ADCY8: variants seen among roughly 807,000 people sequenced by gnomAD.
ADCY8 encodes the protein adenylate cyclase type 8.
Under a neutral mutation model 119.7 loss-of-function variants are expected in ADCY8, and 51 were observed. The observed-to-expected ratio is 0.43, with a 90% CI of 0.34 to 0.54. ADCY8 has a LOEUF of 0.54. Ranked by LOEUF, ADCY8 falls within the 20% of genes least tolerant of loss-of-function variation. The probability of loss-of-function intolerance (pLI) is 0.03; values close to 1 mark genes in which losing one functional copy is unlikely to be tolerated. For missense variants in ADCY8, 1,383 were observed against 1,598.8 expected, an observed-to-expected ratio of 0.87 and a Z score of 2.30; for synonymous variants, 665 against 651.0, an observed-to-expected ratio of 1.02 and a Z score of -0.33.
rs564433010 is a variant in ADCY8, at chr8:130,965,817, A to G, written c.1111-13819T>C. On this transcript the variant is annotated intron_variant, in intron 2 of 17. Transcript: ENST00000286355. Reference sequence around the variant, plus strand: ...AAAAGGTTTATGTATAATTTTTCATAATTCTTCATTTTAGTTTGCTTTTTC... The same window carrying G: ...AAAAGGTTTATGTATAATTTTTCATGATTCTTCATTTTAGTTTGCTTTTTC... Among the ~76,000 whole-genome samples the G allele has an allele frequency of 7.2e-5, 11 of 152,280 alleles. No individual in the cohort carries two copies. The South Asian group carries it at 2.3e-3, about 32-fold the overall frequency.
intron 15 of ADCY8, among the ~76,000 whole-genome samples, chr8:130,788,656 T>C (rs1390790216): frequency 6.6e-6 from 1 of 152,204 alleles, no homozygotes; most frequent in East Asian, 1.9e-4. Context: ...AAATAAATGA[T>C]AAATATTCGA....
chr8:130,927,814 T>C (rs1820517307), intron 5 of ADCY8, among the ~76,000 whole-genome samples: 1 of 152,204 alleles, frequency 6.6e-6, no homozygotes, highest in Non-Finnish European at 1.5e-5. Flanking sequence ...GTTTGACCGC[T>C]CTAGCTGGGA....
chr8:130,786,398 T>C (rs72712432), intron 15 of ADCY8, among the ~76,000 whole-genome samples: 12,443 of 152,220 alleles, frequency 0.082, 532 homozygotes, highest in Non-Finnish European at 0.096. Context: ...GGCAGAATAA[T>C]GCTTCCTGAA....
chr8:130,875,497 T>C (rs974022362), intron 8 of ADCY8, among the ~76,000 whole-genome samples: 3 of 152,218 alleles, frequency 2.0e-5, no homozygotes, highest in Non-Finnish European at 2.9e-5. Context: ...AAATAAGACA[T>C]GGAGTGGTTC....
intron 14 of ADCY8, among the ~76,000 whole-genome samples, chr8:130,802,431 G>C (rs933509804): frequency 6.6e-6 from 1 of 152,050 alleles, no homozygotes; most frequent in Admixed American, 6.5e-5. Context: ...CTCCAGTCTT[G>C]TTCCATTCAA....
At chr8:130,832,959 T>C (rs919708812) in intron 12 of ADCY8, among the ~76,000 whole-genome samples, 2 of 152,238 alleles carry the variant, frequency 1.3e-5, no homozygotes, top group African/African-American at 4.8e-5. Context: ...ACCCAGCTTA[T>C]TCCGTTAATG....
In ADCY8 at chr8:131,024,235, C is replaced by T. The variant is rs189733725; in HGVS notation, c.960+15139G>A. Reference sequence around the variant, plus strand: ...GACAGAACAAGACAGCTTGCTATTGCGTGACATCATCAGACACAACTGTGT... The same window carrying T: ...GACAGAACAAGACAGCTTGCTATTGTGTGACATCATCAGACACAACTGTGT... On this transcript the variant is annotated intron_variant, in intron 1 of 17. Coordinates refer to ENST00000286355, the MANE Select transcript of ADCY8 (RefSeq NM_001115.3). Among the ~76,000 whole-genome samples, 273 of 152,112 alleles carry T rather than the reference C, an allele frequency of 1.8e-3. 1 individual carries two copies. Among genetic ancestry groups the T allele is most frequent in the African/African-American group, 6.3e-3 (262 of 41,480 alleles).
At chr8:130,943,855 G>A (rs1821031627) in intron 3 of ADCY8, among the ~76,000 whole-genome samples, 2 of 152,148 alleles carry the variant, frequency 1.3e-5, no homozygotes, top group Non-Finnish European at 2.9e-5. Flanking sequence ...AGAGTAAAAT[G>A]GTCACAAGGG....
intron 15 of ADCY8, among the ~76,000 whole-genome samples, chr8:130,797,430 G>A (rs1457261414): frequency 6.6e-6 from 1 of 152,206 alleles, no homozygotes; most frequent in Non-Finnish European, 1.5e-5. Context: ...AAAATTGGAA[G>A]TATGTTTTGA....
intron 5 of ADCY8, among the ~76,000 whole-genome samples, chr8:130,927,727 T>C (rs1820515054): frequency 6.6e-6 from 1 of 152,142 alleles, no homozygotes; most frequent in African/African-American, 2.4e-5. Flanking sequence ...TTTCTCTATA[T>C]AAAATCATGT....
intron 1 of ADCY8, among the ~76,000 whole-genome samples, chr8:131,003,118 T>C (rs1486691286): frequency 1.3e-5 from 2 of 151,614 alleles, no homozygotes; most frequent in African/African-American, 4.9e-5. Context: ...GGAGAATTGC[T>C]TGAACCCAGG....
intron 5 of ADCY8, among the ~76,000 whole-genome samples, chr8:130,911,603 A>G (rs12548651): frequency 0.58 from 87,988 of 150,902 alleles, 27,202 homozygotes; most frequent in East Asian, 0.68. Context: ...ATTAATTTAA[A>G]ATTTTAAATT....
chr8:130,782,384 T>C lies in ADCY8; in HGVS notation c.3268+1307A>G, dbSNP rs571392400. The stretch of plus-strand genomic sequence containing the variant: ...GTAATAATTTAACACCCAGCTTACA[T>C]AGGAGGAAACGGAGACACAGAAGGT... On this transcript the variant is annotated intron_variant, in intron 17 of 17. Coordinates refer to ENST00000286355, the MANE Select transcript of ADCY8 (RefSeq NM_001115.3). Among the ~76,000 whole-genome samples the C allele has an allele frequency of 9.2e-5, 14 of 152,262 alleles. No homozygotes were observed. In the South Asian group the frequency reaches 1.7e-3, roughly 18 times the overall value.
chr8:130,789,355 C>CCT (rs1815355143), intron 15 of ADCY8, among the ~76,000 whole-genome samples: 1 of 152,134 alleles, frequency 6.6e-6, no homozygotes, highest in Non-Finnish European at 1.5e-5. Context: ...TTCGTGGGTG[C>CCT]CTCTCTCTGC....
chr8:130,844,675 C>T (rs963426472), intron 11 of ADCY8, among the ~76,000 whole-genome samples: 3 of 152,146 alleles, frequency 2.0e-5, no homozygotes, highest in Non-Finnish European at 4.4e-5. Context: ...CGCACATACA[C>T]ATGCACACGT....
intron 9 of ADCY8, among the ~76,000 whole-genome samples, chr8:130,857,927 A>G (rs954938020): frequency 2.0e-5 from 3 of 152,326 alleles, no homozygotes; most frequent in East Asian, 1.9e-4. Flanking sequence ...ACTTAAAAAA[A>G]TCATTACAAA....
At chr8:130,913,037 C>A (rs751894888) in intron 5 of ADCY8, among the ~76,000 whole-genome samples, 1 of 152,020 alleles carries the variant, frequency 6.6e-6, no homozygotes, top group African/African-American at 2.4e-5. Context: ...GGATTGTCCT[C>A]CCTGCATAAT....
chr8:130,872,053 G>A (rs997204239), intron 8 of ADCY8, among the ~76,000 whole-genome samples: 5 of 152,132 alleles, frequency 3.3e-5, no homozygotes, highest in African/African-American at 1.2e-4. Flanking sequence ...GTCATAGTCA[G>A]TTGGTGGCAA....
chr8:130,830,508 A>G (rs1469982281), intron 12 of ADCY8, among the ~76,000 whole-genome samples: 1 of 152,096 alleles, frequency 6.6e-6, no homozygotes, highest in Admixed American at 6.5e-5. Flanking sequence ...CTTTCCTCTC[A>G]GGAGTCCCCT....
Sources: gnomAD v4.1 joint callset for allele counts (sites outside exome capture counted in the v4.1 genomes callset) on GRCh38, gnomAD v4.1.1 for gene constraint, MANE v1.5 for transcripts, NCBI Gene and HGNC (gene_info 2026-07-23, HGNC 2026-07-21) for gene names.